The following SGMS1 variants were observed in gnomAD, a reference collection of about 807,000 sequenced individuals.
SGMS1 encodes the protein sphingomyelin synthase 1.
In SGMS1, 13 loss-of-function variants were observed where a neutral mutation model predicts 46.2. That is an observed-to-expected ratio of 0.28 (90% confidence interval 0.18 to 0.45). The LOEUF (loss-of-function observed/expected upper bound fraction) is 0.45. Ranked by LOEUF, SGMS1 falls within the 20% of genes least tolerant of loss-of-function variation. The pLI is 1.00. For synonymous variants in SGMS1, 203 were observed against 187.8 expected, an observed-to-expected ratio of 1.08 and a Z score of -0.66; for missense variants, 324 against 519.9, an observed-to-expected ratio of 0.62 and a Z score of 3.66.
intron 1 of SGMS1, among the ~76,000 whole-genome samples, chr10:50,613,357 C>T (rs1421537324): frequency 6.6e-6 from 1 of 152,170 alleles, no homozygotes; most frequent in African/African-American, 2.4e-5. Context: ...GTCTGTCTCC[C>T]CACTAATCCC....
At chr10:50,448,942 A>G (rs2133656083) in intron 5 of SGMS1, among the ~76,000 whole-genome samples, 1 of 152,260 alleles carries the variant, frequency 6.6e-6, no homozygotes, top group South Asian at 2.1e-4. Flanking sequence ...ATGGATAAAA[A>G]TAAGCATATG....
At chr10:50,458,097 A>G (rs1837215348) in intron 5 of SGMS1, among the ~76,000 whole-genome samples, 1 of 152,200 alleles carries the variant, frequency 6.6e-6, no homozygotes, top group South Asian at 2.1e-4. Flanking sequence ...CACTATCCTG[A>G]TAAAACCTCG....
chr10:50,386,157 A>T (rs1848678588), intron 6 of SGMS1, among the ~76,000 whole-genome samples: 1 of 152,172 alleles, frequency 6.6e-6, no homozygotes, highest in Non-Finnish European at 1.5e-5. Flanking sequence ...TGTGAAACTA[A>T]CCCTAGAGGG....
intron 6 of SGMS1, among the ~76,000 whole-genome samples, chr10:50,349,230 C>G (rs574413721): frequency 6.6e-6 from 1 of 152,218 alleles, no homozygotes. Context: ...GAATTCTCTA[C>G]GTATTCATCA....
At chr10:50,506,701 A>C (rs933014760) in intron 3 of SGMS1, among the ~76,000 whole-genome samples, 3 of 152,198 alleles carry the variant, frequency 2.0e-5, no homozygotes, top group Non-Finnish European at 4.4e-5. Context: ...AATTTTTTTA[A>C]ATTAAAGATA....
rs898951355 is a variant in SGMS1 at position 50,450,247 on chromosome 10, A to C, written c.-313+10426T>G. ...ACTAAGAAATTTATACTTTACAGGA[A>C]ACAAAGTGGAAGAGAGGAGTGAGTG... is the stretch of plus-strand genomic sequence containing the variant. On this transcript the variant is annotated intron_variant, in intron 5 of 10. Transcript: ENST00000361781. Among the ~76,000 whole-genome samples, 5 of 152,222 alleles carry C rather than the reference A, an allele frequency of 3.3e-5. No individual in the cohort carries two copies. In the East Asian group the frequency reaches 9.6e-4, roughly 29 times the overall value.
chr10:50,429,990 C>G (rs184832313), intron 6 of SGMS1, among the ~76,000 whole-genome samples: 1 of 152,118 alleles, frequency 6.6e-6, no homozygotes, highest in Non-Finnish European at 1.5e-5. Flanking sequence ...TTTTCTTTTT[C>G]TAGCCCTAAT....
intron 3 of SGMS1, among the ~76,000 whole-genome samples, chr10:50,471,330 C>T (rs1837377017): frequency 6.6e-6 from 1 of 152,060 alleles, no homozygotes; most frequent in Non-Finnish European, 1.5e-5. Flanking sequence ...GAGCAGCTTC[C>T]CTGAAGGAGC....
intron 5 of SGMS1, among the ~76,000 whole-genome samples, chr10:50,448,247 G>A (rs1270493962): frequency 6.6e-6 from 1 of 151,702 alleles, no homozygotes; most frequent in Admixed American, 6.6e-5. Flanking sequence ...GCAAGACCTT[G>A]TCTCAAAAAA....
intron 2 of SGMS1, among the ~76,000 whole-genome samples, chr10:50,552,584 C>T (rs1455518842): frequency 6.6e-6 from 1 of 151,880 alleles, no homozygotes; most frequent in African/African-American, 2.4e-5. Context: ...CTGTGTCCTG[C>T]AAAACAGTTA....
intron 5 of SGMS1, among the ~76,000 whole-genome samples, chr10:50,435,920 T>C (rs1849468387): frequency 6.6e-6 from 1 of 152,214 alleles, no homozygotes; most frequent in Non-Finnish European, 1.5e-5. Context: ...GAATAAGTAC[T>C]CGTCTTTTAC....
At chr10:50,530,544 C>T (rs776705861) in intron 2 of SGMS1, among the ~76,000 whole-genome samples, 4 of 152,080 alleles carry the variant, frequency 2.6e-5, no homozygotes, top group South Asian at 2.1e-4. Context: ...GTGCAGTTAG[C>T]GCAATTATAG....
At chr10:50,588,772 TAGA>T (rs1231991703) in intron 2 of SGMS1, among the ~76,000 whole-genome samples, 2 of 146,030 alleles carry the variant, frequency 1.4e-5, no homozygotes, top group Admixed American at 1.4e-4. Flanking sequence ...CTCTGTCACT[TAGA>T]CTGGAGTGCA....
chr10:50,610,819 A>G (rs1838742713), intron 1 of SGMS1, among the ~76,000 whole-genome samples: 2 of 152,176 alleles, frequency 1.3e-5, no homozygotes, highest in African/African-American at 2.4e-5. Flanking sequence ...AGAAAACTCC[A>G]TACGAGCTGA....
At chr10:50,327,457 T>C in intron 7 of SGMS1, 135 bp from the exon 8 acceptor site, 1 of 643,772 alleles carries the variant, frequency 1.6e-6, no homozygotes, top group Non-Finnish European at 2.8e-6. Context: ...GTTGTAACTA[T>C]GGCTAATACC....
Position 50,430,322 on chromosome 10 carries a change from A to G in SGMS1, c.-232+3154T>C, listed in dbSNP as rs185495438. Among the ~76,000 whole-genome samples the G allele has an allele frequency of 1.3e-3, 196 of 152,256 alleles. 1 individual carries two copies. The highest frequency in any genetic ancestry group is 4.5e-3 in the African/African-American group (187 of 41,576). On this transcript the variant is annotated intron_variant, in intron 6 of 10. Coordinates refer to ENST00000361781, the MANE Select transcript of SGMS1 (RefSeq NM_147156.4). ...GCTATATATTATGTATACATCTACA[A>G]TTATGTAGATGTATATTTATTGCTG... is the stretch of plus-strand genomic sequence containing the variant.
At chr10:50,371,712 C>T (rs560091225) in intron 6 of SGMS1, among the ~76,000 whole-genome samples, 1 of 152,184 alleles carries the variant, frequency 6.6e-6, no homozygotes, top group Non-Finnish European at 1.5e-5. Flanking sequence ...TAAGCCTTCT[C>T]TGAGCATCCT....
intron 2 of SGMS1, among the ~76,000 whole-genome samples, chr10:50,573,517 T>C (rs1196975657): frequency 6.6e-6 from 1 of 152,192 alleles, no homozygotes. Context: ...TATAAAACTT[T>C]GCTCATAAAT....
chr10:50,339,643 T>C (rs1847779216), intron 7 of SGMS1, among the ~76,000 whole-genome samples: 1 of 152,220 alleles, frequency 6.6e-6, no homozygotes, highest in Non-Finnish European at 1.5e-5. Context: ...GCCTGAAATA[T>C]GGTATACTGC....
Sources: allele counts gnomAD v4.1 joint callset (sites outside exome capture counted in the v4.1 genomes callset), GRCh38; gene constraint gnomAD v4.1.1; transcripts MANE v1.5; gene names NCBI Gene and HGNC (gene_info 2026-07-23, HGNC 2026-07-21).